Variants in FILIP1L observed in about 807,000 individuals in gnomAD.
FILIP1L encodes the protein filamin A interacting protein 1 like.
A neutral mutation model predicts 96.6 loss-of-function variants in FILIP1L; 55 were observed. The observed-to-expected ratio is 0.57, with a 90% confidence interval of 0.46 to 0.71. FILIP1L has a LOEUF of 0.71. FILIP1L is among the 30% of genes least tolerant of loss of function. The pLI, the probability that FILIP1L is intolerant of heterozygous loss-of-function variation, is 0.00. For missense variants in FILIP1L, 1,304 were observed against 1,321.2 expected, an observed-to-expected ratio of 0.99 and a Z score of 0.20; for synonymous variants, 467 against 473.9, an observed-to-expected ratio of 0.99 and a Z score of 0.19.
intron 4 of FILIP1L, among the ~76,000 whole-genome samples, chr3:99,860,070 G>A (rs1378289782): frequency 6.6e-6 from 1 of 152,124 alleles, no homozygotes; most frequent in Non-Finnish European, 1.5e-5. Context: ...GTACATCTAT[G>A]TCTGCTTTAT....
intron 1 of FILIP1L, chr3:100,039,756 C>CT (rs559735123): frequency 2.5e-3 from 350 of 141,392 alleles, no homozygotes; most frequent in African/African-American, 4.2e-3. Flanking sequence ...CGACTTTCTT[C>CT]TTTTTTTTTT....
In FILIP1L at chr3:99,991,836, A is replaced by ATATG. The variant is rs1553703596; in HGVS notation, c.-10-60807_-10-60806insCATA. On this transcript the variant is annotated intron_variant, in intron 1 of 5. Transcript: ENST00000477258. ...TTCCATGGTGTGTGTATATATATAT[A>ATATG]TGTGTGTGTGTGTGTGTGTGTATGT... 6.5e-4 allele frequency among the ~76,000 whole-genome samples: 93 copies of ATATG among 143,490 alleles called. 1 individual carries two copies. The highest frequency in any genetic ancestry group is 3.7e-3 in the East Asian group (18 of 4,900). 94.1% of individuals were successfully genotyped at this position (143,490 alleles called of 152,430 possible).
intron 5 of FILIP1L, among the ~76,000 whole-genome samples, chr3:99,840,317 G>A (rs1315681616): frequency 5.1e-5 from 7 of 136,824 alleles, no homozygotes; most frequent in Admixed American, 2.5e-4. Flanking sequence ...TCTGCCTCCC[G>A]GGTTGAAGCG....
intron 1 of FILIP1L, among the ~76,000 whole-genome samples, chr3:100,055,003 A>G (rs2065440213): frequency 6.6e-6 from 1 of 151,906 alleles, no homozygotes; most frequent in Non-Finnish European, 1.5e-5. Context: ...CTTCTTGCTG[A>G]TCATCTCTGC....
intron 1 of FILIP1L, among the ~76,000 whole-genome samples, chr3:99,938,975 C>CT (rs1457155448): frequency 6.6e-6 from 1 of 152,136 alleles, no homozygotes; most frequent in Non-Finnish European, 1.5e-5. Context: ...CCTCCGTTAT[C>CT]TTTTTTCTCC....
chr3:100,074,717 G>A (rs186598603), intron 1 of FILIP1L, among the ~76,000 whole-genome samples: 871 of 22,282 alleles, frequency 0.039, 25 homozygotes, highest in African/African-American at 0.11. Context: ...TTTTTGAGAC[G>A]AAGTCTCACT....
chr3:99,959,836 A>G (rs575021112), intron 1 of FILIP1L, among the ~76,000 whole-genome samples: 1 of 152,172 alleles, frequency 6.6e-6, no homozygotes, highest in South Asian at 2.1e-4. Flanking sequence ...CCCAACAGTA[A>G]GATTATGAGC....
Position 99,983,464 on chromosome 3 carries a change from G to GTATATATATATA in FILIP1L, c.-10-52446_-10-52435dup, listed in dbSNP as rs1191587665. ...TATGTATGTATATATATATATGTGT[G>GTATATATATATA]TATATATATATATATATATATATAT... On this transcript the variant is annotated intron_variant, in intron 1 of 5. Coordinates refer to ENST00000477258, the MANE Select transcript of FILIP1L (RefSeq NM_001387850.1). Among the ~76,000 whole-genome samples, 3 of 12,674 alleles carry GTATATATATATA rather than the reference G, an allele frequency of 2.4e-4. 1 individual carries two copies. Among genetic ancestry groups the GTATATATATATA allele is most frequent in the Non-Finnish European group, 5.0e-4 (3 of 5,968 alleles). 8.3% of individuals were successfully genotyped at this position (12,674 alleles called of 152,430 possible). A position where few individuals can be genotyped will look rare whatever the true frequency, so the allele number is the denominator to read the frequency against.
At chr3:99,863,710 AATGT>A (rs1401674763) in intron 4 of FILIP1L, among the ~76,000 whole-genome samples, 13 of 152,344 alleles carry the variant, frequency 8.5e-5, no homozygotes, top group Admixed American at 5.9e-4. Context: ...CATATTTCAA[AATGT>A]GTGTATTAAA....
At chr3:100,103,035 G>GGA (rs1362081305) in intron 1 of FILIP1L, among the ~76,000 whole-genome samples, 1 of 152,194 alleles carries the variant, frequency 6.6e-6, no homozygotes, top group Non-Finnish European at 1.5e-5. Flanking sequence ...TTGAGGCTTG[G>GGA]GAGACTAAGT....
chr3:100,077,863 G>A (rs182582950), intron 1 of FILIP1L, among the ~76,000 whole-genome samples: 6 of 152,018 alleles, frequency 3.9e-5, no homozygotes, highest in African/African-American at 9.7e-5. Context: ...AGCTGTGTTC[G>A]CATCACTACA....
chr3:100,046,350 T>C (rs753167752), intron 1 of FILIP1L, among the ~76,000 whole-genome samples: 4 of 152,212 alleles, frequency 2.6e-5, no homozygotes, highest in Non-Finnish European at 5.9e-5. Flanking sequence ...GCAGAATTAT[T>C]TTTATATTTG....
intron 1 of FILIP1L, chr3:100,051,245 A>C (rs1282606492): frequency 3.9e-5 from 6 of 152,070 alleles, no homozygotes; most frequent in Admixed American, 2.0e-4. Flanking sequence ...TTTAAAACTC[A>C]TTTGGACACC....
At chr3:99,936,204 T>C (rs1424418711) in intron 1 of FILIP1L, among the ~76,000 whole-genome samples, 2 of 151,994 alleles carry the variant, frequency 1.3e-5, no homozygotes, top group Non-Finnish European at 2.9e-5. Flanking sequence ...TCATTTAATA[T>C]GGTATCGAGG....
At chr3:99,925,610 A>T (rs796235963) in intron 3 of FILIP1L, among the ~76,000 whole-genome samples, 72 of 152,256 alleles carry the variant, frequency 4.7e-4, no homozygotes, top group African/African-American at 1.7e-3. Context: ...AAAAGTAGGG[A>T]TTCAGAGAAG....
chr3:99,976,849 C>G (rs931095816), intron 1 of FILIP1L, among the ~76,000 whole-genome samples: 1 of 151,930 alleles, frequency 6.6e-6, no homozygotes, highest in Non-Finnish European at 1.5e-5. Flanking sequence ...CTGTTCTTTC[C>G]TCCTGTTCAG....
chr3:100,031,756 C>T (rs2065025998), intron 1 of FILIP1L, among the ~76,000 whole-genome samples: 4 of 152,134 alleles, frequency 2.6e-5, no homozygotes, highest in African/African-American at 9.7e-5. Flanking sequence ...TTATTTGCCT[C>T]ACTTTCTCCA....
intron 1 of FILIP1L, among the ~76,000 whole-genome samples, chr3:100,008,419 T>G (rs1228964349): frequency 6.6e-6 from 1 of 152,194 alleles, no homozygotes; most frequent in Non-Finnish European, 1.5e-5. Context: ...GCAGCCAGGG[T>G]ACCCTTCATA....
intron 1 of FILIP1L, among the ~76,000 whole-genome samples, chr3:99,986,564 T>G (rs1199778623): frequency 6.6e-6 from 1 of 152,120 alleles, no homozygotes; most frequent in Admixed American, 6.5e-5. Flanking sequence ...ATTTTTTTAA[T>G]GGGGAGAATT....
Sources: gnomAD v4.1 joint callset for allele counts (sites outside exome capture counted in the v4.1 genomes callset) on GRCh38, gnomAD v4.1.1 for gene constraint, MANE v1.5 for transcripts, NCBI Gene and HGNC (gene_info 2026-07-23, HGNC 2026-07-21) for gene names.